The following NKAIN3 variants were observed in gnomAD, a reference collection of about 807,000 sequenced individuals.
The protein encoded by NKAIN3 is sodium/potassium-transporting ATPase subunit beta-1-interacting protein 3.
A neutral mutation model predicts 30.2 loss-of-function variants in NKAIN3; 25 were observed. That is an observed-to-expected ratio of 0.83 (90% CI 0.60 to 1.16). The LOEUF is 1.16. Ranked by LOEUF, NKAIN3 falls within the 50% of genes most tolerant of loss-of-function variation. The pLI, the probability that NKAIN3 is intolerant of heterozygous loss-of-function variation, is 0.00. For missense variants in NKAIN3, 225 were observed against 254.1 expected (o/e 0.89, Z 0.78); for synonymous variants, 91 against 89.6 (o/e 1.02, Z -0.09).
chr8:62,398,317 C>A (rs1447526569), intron 1 of NKAIN3, among the ~76,000 whole-genome samples: 1 of 152,202 alleles, frequency 6.6e-6, no homozygotes, highest in Admixed American at 6.5e-5. Context: ...GCTGTAACAT[C>A]CTTTGCCACC....
At chr8:62,594,711 A>C (rs900509397) in intron 3 of NKAIN3, among the ~76,000 whole-genome samples, 1 of 152,024 alleles carries the variant, frequency 6.6e-6, no homozygotes, top group Non-Finnish European at 1.5e-5. Context: ...GGTAGTTGTT[A>C]TCAATCTTAA....
At chr8:62,553,480 G>A (rs1219761355) in intron 1 of NKAIN3, among the ~76,000 whole-genome samples, 1 of 150,958 alleles carries the variant, frequency 6.6e-6, no homozygotes, top group African/African-American at 2.4e-5. Context: ...AGTACAAATA[G>A]TTTTTCCCTC....
intron 4 of NKAIN3, among the ~76,000 whole-genome samples, chr8:62,873,739 G>A (rs936248931): frequency 2.0e-5 from 3 of 151,872 alleles, no homozygotes; most frequent in Non-Finnish European, 2.9e-5. Context: ...TGACTCCTGT[G>A]TAAATAATGA....
At chr8:62,843,565 C>T (rs1466805532) in intron 4 of NKAIN3, among the ~76,000 whole-genome samples, 2 of 151,924 alleles carry the variant, frequency 1.3e-5, no homozygotes, top group African/African-American at 2.4e-5. Context: ...AAACCCCTGA[C>T]CTCAAGTGAT....
intron 3 of NKAIN3, among the ~76,000 whole-genome samples, chr8:62,612,256 T>C (rs1057298680): frequency 1.3e-5 from 2 of 152,096 alleles, no homozygotes; most frequent in African/African-American, 4.8e-5. Context: ...TCTCTCTCTT[T>C]AGCTCTAATA....
At chr8:62,267,027 C>G (rs1351387222) in intron 1 of NKAIN3, among the ~76,000 whole-genome samples, 3 of 152,246 alleles carry the variant, frequency 2.0e-5, no homozygotes, top group Non-Finnish European at 4.4e-5. Flanking sequence ...GAATTATTCC[C>G]TGGGTGAACC....
intron 4 of NKAIN3, among the ~76,000 whole-genome samples, chr8:62,814,202 T>A (rs1818589686): frequency 6.6e-6 from 1 of 151,994 alleles, no homozygotes; most frequent in East Asian, 1.9e-4. Context: ...CTTGGGGAGT[T>A]TTCTGCTATT....
chr8:62,809,919 C>T (rs2130711682), intron 4 of NKAIN3, among the ~76,000 whole-genome samples: 1 of 152,200 alleles, frequency 6.6e-6, no homozygotes, highest in African/African-American at 2.4e-5. Context: ...AATCCCCTCA[C>T]TTATTTTTAT....
intron 1 of NKAIN3, among the ~76,000 whole-genome samples, chr8:62,396,351 G>A (rs1449114565): frequency 6.6e-6 from 1 of 152,152 alleles, no homozygotes. Flanking sequence ...CCGCAACCCG[G>A]TGCCTAAGCC....
chr8:62,445,566 T>C (rs1282272777), intron 1 of NKAIN3, among the ~76,000 whole-genome samples: 1 of 152,160 alleles, frequency 6.6e-6, no homozygotes, highest in African/African-American at 2.4e-5. Flanking sequence ...TATACAGTTA[T>C]ACAGAAGTGA....
chr8:62,880,203 A>C (rs577347769), intron 4 of NKAIN3, among the ~76,000 whole-genome samples: 1 of 152,282 alleles, frequency 6.6e-6, no homozygotes, highest in East Asian at 1.9e-4. Flanking sequence ...AGAGAGGGAA[A>C]AACTTGGCCA....
rs114562586 is a variant in NKAIN3, at chr8:62,865,893, G to A, written c.472-52560G>A. Among the ~76,000 whole-genome samples, 548 of 152,254 alleles carry A rather than the reference G, an allele frequency of 3.6e-3. 3 individuals carry two copies. The highest frequency in any genetic ancestry group is 0.013 in the African/African-American group (529 of 41,558). On this transcript the variant is annotated intron_variant, in intron 4 of 6. Transcript: ENST00000623646. ...TTCTATGTAGCATATGTTGCATGTAGCCGACTTTAACTGCTTCTAGGAGTT... is the reference window on the plus strand; with the variant it reads ...TTCTATGTAGCATATGTTGCATGTAACCGACTTTAACTGCTTCTAGGAGTT...
chr8:62,851,559 G>A (rs1032481940), intron 4 of NKAIN3, among the ~76,000 whole-genome samples: 1 of 151,988 alleles, frequency 6.6e-6, no homozygotes. Flanking sequence ...ATGCTTCCAG[G>A]TTTTGCCCAT....
At chr8:62,880,154 T>C (rs1820930076) in intron 4 of NKAIN3, among the ~76,000 whole-genome samples, 1 of 152,188 alleles carries the variant, frequency 6.6e-6, no homozygotes, top group African/African-American at 2.4e-5. Flanking sequence ...GTTATTATTA[T>C]TATTTATCTT....
rs557283371 is a variant in NKAIN3 at position 62,864,268 on chromosome 8, A to G, written c.472-54185A>G. 1.3e-5 allele frequency: 14 copies of G among 1,092,158 alleles called. No individual in the cohort carries two copies. The African/African-American group carries it at 2.2e-4, about 17-fold the overall frequency. The allele number at this position is 1,092,158 out of a possible 1,614,324, so 67.7% of individuals were successfully genotyped here. On this transcript the variant is annotated intron_variant, in intron 4 of 6. Transcript: ENST00000623646. ...GAGGAGGCGGCCGAGGCAGACGGCA[A>G]AGGACAATGCTGAAGCTGAGGACCA...
chr8:62,742,128 TTA>T (rs35456394), intron 3 of NKAIN3, among the ~76,000 whole-genome samples: 111,794 of 149,364 alleles, frequency 0.75, 42,056 homozygotes, highest in Admixed American at 0.8. Context: ...CATGTATATC[TTA>T]TATATATATA....
Position 62,449,559 on chromosome 8 carries a change from A to C in NKAIN3, c.55-129980A>C, listed in dbSNP as rs139096353. 2.1e-3 allele frequency among the ~76,000 whole-genome samples: 317 copies of C among 152,194 alleles called. 2 individuals are homozygous for C. Among genetic ancestry groups the C allele is most frequent in the African/African-American group, 7.3e-3 (305 of 41,562 alleles). On this transcript the variant is annotated intron_variant, in intron 1 of 6. Transcript: ENST00000623646. The stretch of plus-strand genomic sequence containing the variant: ...AGTTCTATCATAAAACAAACAATCA[A>C]CTTTGAAATGTACTTAAAGTTCTAC...
chr8:62,950,305 A>C (rs1823246846), intron 5 of NKAIN3, among the ~76,000 whole-genome samples: 1 of 152,158 alleles, frequency 6.6e-6, no homozygotes, highest in African/African-American at 2.4e-5. Flanking sequence ...CACTCTAGCA[A>C]ATGGAAGGTA....
chr8:62,488,432 C>A (rs1806968296), intron 1 of NKAIN3, among the ~76,000 whole-genome samples: 1 of 152,194 alleles, frequency 6.6e-6, no homozygotes, highest in Non-Finnish European at 1.5e-5. Flanking sequence ...TGTAACTGTT[C>A]ATTGCCCCAT....
Sources: allele counts gnomAD v4.1 joint callset (sites outside exome capture counted in the v4.1 genomes callset), GRCh38; gene constraint gnomAD v4.1.1; transcripts MANE v1.5; gene names NCBI Gene and HGNC (gene_info 2026-07-23, HGNC 2026-07-21).